Variants in PDZRN4 observed in about 807,000 individuals in gnomAD.
PDZRN4 encodes PDZ domain-containing RING finger protein 4.
PDZRN4 carries 70 observed loss-of-function variants against 99.0 expected under a neutral mutation model. The ratio of observed to expected loss-of-function variants is 0.71; its 90% CI spans 0.58 to 0.86. The LOEUF (loss-of-function observed/expected upper bound fraction) is 0.86. Ranked by LOEUF, PDZRN4 falls within the 40% of genes least tolerant of loss-of-function variation. PDZRN4 has a pLI of 0.00. For missense variants in PDZRN4, 1,474 were observed against 1,331.2 expected (o/e 1.11, Z -1.67); for synonymous variants, 551 against 501.6 (o/e 1.10, Z -1.32).
At chr12:41,486,594 G>A (rs944837230) in intron 3 of PDZRN4, among the ~76,000 whole-genome samples, 5 of 152,048 alleles carry the variant, frequency 3.3e-5, no homozygotes, top group Admixed American at 6.6e-5. Context: ...AATATGAGAA[G>A]GTAGCAGCTG....
intron 3 of PDZRN4, among the ~76,000 whole-genome samples, chr12:41,387,336 C>G (rs1952177842): frequency 6.6e-6 from 1 of 152,098 alleles, no homozygotes; most frequent in Non-Finnish European, 1.5e-5. Flanking sequence ...GTAATCCAAG[C>G]ACTTTGGGAG....
intron 3 of PDZRN4, among the ~76,000 whole-genome samples, chr12:41,403,191 A>G (rs1023680541): frequency 2.0e-5 from 3 of 152,130 alleles, no homozygotes; most frequent in Admixed American, 6.6e-5. Context: ...CCCCCCACAC[A>G]TTTAATACTG....
chr12:41,189,236 T>A (rs1029982332), intron 1 of PDZRN4, 133 bp downstream of exon 1: 4 of 755,272 alleles, frequency 5.3e-6, no homozygotes, highest in Non-Finnish European at 8.4e-6. Flanking sequence ...ATCCACACCC[T>A]GATCATACTT....
At chr12:41,462,147 A>T (rs1323851027) in intron 3 of PDZRN4, among the ~76,000 whole-genome samples, 2 of 152,224 alleles carry the variant, frequency 1.3e-5, no homozygotes, top group African/African-American at 4.8e-5. Context: ...ACACAAGAAA[A>T]TTAACTTACA....
intron 3 of PDZRN4, among the ~76,000 whole-genome samples, chr12:41,379,783 T>A (rs1952109698): frequency 6.6e-6 from 1 of 152,040 alleles, no homozygotes; most frequent in Non-Finnish European, 1.5e-5. Flanking sequence ...ATCTTTCCTA[T>A]GGAATATTTT....
At position 41,539,163 on chromosome 12, in the gene PDZRN4, TC is replaced by T. The variant is rs1592102866; in HGVS notation, c.1204-13491del. On this transcript the variant is annotated intron_variant, in intron 5 of 9. Transcript: ENST00000402685. Reference sequence around the variant, plus strand: ...GTGGGAGCTCCTCTAATTCTCCTCCTCCAGAATGGACATATCTCCTCAAAAT... The same window carrying T: ...GTGGGAGCTCCTCTAATTCTCCTCCTCAGAATGGACATATCTCCTCAAAAT... Among the ~76,000 whole-genome samples, 7 of 151,996 alleles carry T rather than the reference TC, an allele frequency of 4.6e-5. No homozygotes were observed. In the East Asian group the frequency reaches 1.4e-3, roughly 29 times the overall value.
intron 5 of PDZRN4, among the ~76,000 whole-genome samples, chr12:41,536,761 T>TAAAAAAAAAAAAAC (rs59008796): frequency 1.5e-5 from 2 of 137,362 alleles, no homozygotes; most frequent in South Asian, 4.9e-4. Context: ...TATTGAAAAG[T>TAAAAAAAAAAAAAC]AAAAAAAAAA....
intron 5 of PDZRN4, among the ~76,000 whole-genome samples, chr12:41,520,316 G>T (rs980870409): frequency 6.6e-6 from 1 of 151,816 alleles, no homozygotes; most frequent in South Asian, 2.1e-4. Flanking sequence ...TTTGGGTTCC[G>T]CCAAAAGTCT....
At chr12:41,439,963 T>C (rs1052680506) in intron 3 of PDZRN4, among the ~76,000 whole-genome samples, 2 of 152,194 alleles carry the variant, frequency 1.3e-5, no homozygotes, top group Non-Finnish European at 2.9e-5. Context: ...GATAGGCTCA[T>C]ATAATACGCT....
rs193170844 is a variant in PDZRN4 at position 41,331,862 on chromosome 12, A to T, written c.843+137674A>T. Among the ~76,000 whole-genome samples, 22 of 152,216 alleles carry T rather than the reference A, an allele frequency of 1.4e-4. No individual in the cohort carries two copies. In the East Asian group the frequency reaches 3.5e-3, roughly 24 times the overall value. On this transcript the variant is annotated intron_variant, in intron 3 of 9. Transcript: ENST00000402685. Reference sequence around the variant, plus strand: ...CCTCCCATCCAGTCCCTCCCATGACACATGGGGATTATGGGAACTACAATT... The same window carrying T: ...CCTCCCATCCAGTCCCTCCCATGACTCATGGGGATTATGGGAACTACAATT...
At chr12:41,327,829 T>C (rs1429976229) in intron 3 of PDZRN4, among the ~76,000 whole-genome samples, 1 of 152,064 alleles carries the variant, frequency 6.6e-6, no homozygotes, top group Non-Finnish European at 1.5e-5. Flanking sequence ...TGTGTGTGCA[T>C]GTGTGTGTGT....
chr12:41,299,214 A>G (rs1432774681), intron 3 of PDZRN4, among the ~76,000 whole-genome samples: 1 of 152,148 alleles, frequency 6.6e-6, no homozygotes, highest in Non-Finnish European at 1.5e-5. Context: ...AAAAATAATC[A>G]GTCAAAAACT....
At chr12:41,448,258 T>C (rs1250617633) in intron 3 of PDZRN4, among the ~76,000 whole-genome samples, 2 of 152,196 alleles carry the variant, frequency 1.3e-5, no homozygotes, top group Non-Finnish European at 1.5e-5. Flanking sequence ...TATAACTTTC[T>C]ATTTAAGACA....
intron 3 of PDZRN4, among the ~76,000 whole-genome samples, chr12:41,309,499 C>T (rs1383427782): frequency 6.6e-6 from 1 of 152,132 alleles, no homozygotes; most frequent in Non-Finnish European, 1.5e-5. Flanking sequence ...GCCTAATCAT[C>T]TCTCATTAGG....
chr12:41,499,818 G>A (rs1049865436), intron 3 of PDZRN4, among the ~76,000 whole-genome samples: 4 of 151,986 alleles, frequency 2.6e-5, no homozygotes, highest in African/African-American at 9.7e-5. Context: ...GCAACATACT[G>A]GACTATTGTG....
intron 3 of PDZRN4, among the ~76,000 whole-genome samples, chr12:41,400,025 CTT>C (rs1333356221): frequency 1.3e-5 from 2 of 152,100 alleles, no homozygotes; most frequent in East Asian, 3.9e-4. Context: ...ATGTTGATCT[CTT>C]TTAAACTTGG....
At position 41,233,951 on chromosome 12, in the gene PDZRN4, TA is replaced by T. The variant is rs931747046; in HGVS notation, c.843+39773del. ...ACTTAAAGTATAATAATAATAAAGT[TA>T]AAAAAAAAACAAAGAAATCTGTTTC... On this transcript the variant is annotated intron_variant, in intron 3 of 9. Transcript: ENST00000402685. 4.3e-4 allele frequency among the ~76,000 whole-genome samples: 63 copies of T among 147,464 alleles called. 1 individual carries two copies. Among genetic ancestry groups the T allele is most frequent in the East Asian group, 2.8e-3 (14 of 5,066 alleles).
At chr12:41,393,688 T>A (rs1952226046) in intron 3 of PDZRN4, among the ~76,000 whole-genome samples, 1 of 152,220 alleles carries the variant, frequency 6.6e-6, no homozygotes, top group Non-Finnish European at 1.5e-5. Flanking sequence ...TATGCAAGGC[T>A]TGCAGAGTGA....
intron 5 of PDZRN4, among the ~76,000 whole-genome samples, chr12:41,539,723 T>C (rs185392643): frequency 2.4e-4 from 37 of 152,322 alleles, no homozygotes; most frequent in African/African-American, 8.7e-4. Context: ...TTTTATGTTT[T>C]CTTAATAACA....
Sources: gnomAD v4.1 joint callset for allele counts (sites outside exome capture counted in the v4.1 genomes callset) on GRCh38, gnomAD v4.1.1 for gene constraint, MANE v1.5 for transcripts, NCBI Gene and HGNC (gene_info 2026-07-23, HGNC 2026-07-21) for gene names.